Variants in CCS observed in about 807,000 individuals in gnomAD.
The protein encoded by CCS is superoxide dismutase copper chaperone.
A neutral mutation model predicts 35.5 loss-of-function variants in CCS; 32 were observed. That is an observed-to-expected ratio of 0.90 (90% CI 0.68 to 1.21). The LOEUF (loss-of-function observed/expected upper bound fraction) is 1.21. Ranked by LOEUF, CCS falls within the 50% of genes most tolerant of loss-of-function variation. The probability of loss-of-function intolerance (pLI) is 0.00; values close to 1 mark genes in which losing one functional copy is unlikely to be tolerated. For synonymous variants in CCS, 130 were observed against 147.2 expected (o/e 0.88, Z 0.84); for missense variants, 342 against 375.4 (o/e 0.91, Z 0.73).
At chr11:66,596,108 C>A (rs1858471743) in intron 2 of CCS, among the ~76,000 whole-genome samples, 1 of 152,214 alleles carries the variant, frequency 6.6e-6, no homozygotes, top group Non-Finnish European at 1.5e-5. Flanking sequence ...TGCTCTGTTG[C>A]CCAGGCTGGA....
chr11:66,601,518 A>G (rs1350761053), intron 5 of CCS, among the ~76,000 whole-genome samples: 4 of 151,938 alleles, frequency 2.6e-5, no homozygotes, highest in Non-Finnish European at 5.9e-5. Flanking sequence ...GTTACCTATC[A>G]TGCTTTTCTT....
At position 66,599,486 on chromosome 11, in the gene CCS, TG is replaced by T. The variant is rs759691599; in HGVS notation, c.285del (p.Pro96LeufsTer13). On this transcript the variant is annotated frameshift_variant, in exon 4 of 8. Coordinates refer to ENST00000533244, the MANE Select transcript of CCS (RefSeq NM_005125.2). LOFTEE classifies it high-confidence loss of function. Reference sequence around the variant, plus strand: ...AATCTGGGGGCAGCAGTGGCCATCCTGGGGGGGCCTGGCACCGTGCAGGGGG... The same window carrying T: ...AATCTGGGGGCAGCAGTGGCCATCCTGGGGGGCCTGGCACCGTGCAGGGGG... ...LQNLGAAVAILGGPGTVQGVV... is the reference protein window; with the variant it reads ...LQNLGAAVAIXGGPGTVQGVV... The T allele has an allele frequency of 6.5e-6, 10 of 1,547,504 alleles. No homozygotes were observed. The highest frequency in any genetic ancestry group is 2.2e-5 in the Admixed American group (1 of 45,344).
intron 5 of CCS, among the ~76,000 whole-genome samples, chr11:66,601,052 C>G (rs901067170): frequency 6.6e-6 from 1 of 152,164 alleles, no homozygotes; most frequent in Non-Finnish European, 1.5e-5. Flanking sequence ...TTTGCCTTAT[C>G]TGAGTACTAG....
chr11:66,593,799 AT>A, intron 2 of CCS, 85 bp downstream of exon 2: 1 of 1,228,242 alleles, frequency 8.1e-7, no homozygotes, highest in Non-Finnish European at 1.2e-6. Context: ...CCCTACTCCC[AT>A]TTTACAGATG....
At chr11:66,604,664 G>A (rs1858625544) in intron 5 of CCS, among the ~76,000 whole-genome samples, 1 of 152,182 alleles carries the variant, frequency 6.6e-6, no homozygotes, top group African/African-American at 2.4e-5. Flanking sequence ...CCTTGAGGAT[G>A]GTGACCTGCA....
At position 66,599,180 on chromosome 11, in the gene CCS, C is replaced by A. The variant is rs1858529924; in HGVS notation, c.177C>A (p.Ser59Arg). The A allele has an allele frequency of 8.1e-6, 13 of 1,614,006 alleles. No individual in the cohort carries two copies. In the East Asian group the frequency reaches 2.9e-4, roughly 36 times the overall value. The change falls in exon 3 of 8, where the codon AGC (serine) becomes AGA (arginine). Residue 59 changes from serine to arginine, a missense_variant. By Grantham distance (110) the Ser-to-Arg change is moderately radical. Coordinates refer to ENST00000533244, the MANE Select transcript of CCS (RefSeq NM_005125.2). ...TCTTGGTACACACCACTCTACCCAG[C>A]CAGGAGGTGCAGGCTCTCCTGGAAG... is the stretch of plus-strand genomic sequence containing the variant. Reference protein sequence around the residue: ...QMVLVHTTLPSQEVQALLEGT... With the variant: ...QMVLVHTTLPRQEVQALLEGT...
intron 2 of CCS, among the ~76,000 whole-genome samples, chr11:66,597,268 C>A (rs1208685472): frequency 6.6e-6 from 1 of 151,890 alleles, no homozygotes; most frequent in African/African-American, 2.4e-5. Context: ...ACCATTCTGG[C>A]TAACACGGTG....
chr11:66,603,876 A>G (rs1368425346), intron 5 of CCS, among the ~76,000 whole-genome samples: 2 of 150,392 alleles, frequency 1.3e-5, no homozygotes. Flanking sequence ...AACAAAACAA[A>G]AGTTGGCCAG....
At chr11:66,600,615 C>T in intron 5 of CCS, 66 bp downstream of exon 5, 2 of 794,858 alleles carry the variant, frequency 2.5e-6, no homozygotes, top group East Asian at 2.9e-5. Flanking sequence ...GCAGGGCAGG[C>T]AGCTCTTGGG....
At chr11:66,594,513 C>T (rs1481521834) in intron 2 of CCS, among the ~76,000 whole-genome samples, 1 of 150,836 alleles carries the variant, frequency 6.6e-6, no homozygotes, top group Admixed American at 6.6e-5. Flanking sequence ...CAGTGGCTCA[C>T]GCCTGTAATC....
In CCS at chr11:66,593,712, C is replaced by G. The variant is rs1555064224; in HGVS notation, c.110C>G (p.Ala37Gly). 9.3e-6 allele frequency: 15 copies of G among 1,613,958 alleles called. No homozygotes were observed. In the South Asian group the frequency reaches 1.6e-4, roughly 18 times the overall value. ...GTGCGCAAATCCCTGCAAGGGGTGG[C>G]AGGTAAGAACAGGGTAAACTTTTCT... ...DAVRKSLQGVAGVQDVEVHLE... is the reference protein window; with the variant it reads ...DAVRKSLQGVGGVQDVEVHLE... Residue 37 changes from alanine (A) to glycine (G), a missense_variant and splice_region_variant, in exon 2 of 8, where the codon GCA becomes GGA. By Grantham distance (60) the Ala-to-Gly change is moderately conservative (BLOSUM62 0). Transcript: ENST00000533244.
chr11:66,604,140 G>A (rs1340185093), intron 5 of CCS, among the ~76,000 whole-genome samples: 1 of 152,000 alleles, frequency 6.6e-6, no homozygotes, highest in Admixed American at 6.6e-5. Context: ...TGAGGCAGGA[G>A]AATTGCTTGA....
chr11:66,599,728 G>C (rs1437902901), intron 4 of CCS, 92 bp downstream of exon 4: 2 of 1,203,040 alleles, frequency 1.7e-6, no homozygotes, highest in Admixed American at 4.9e-5. Context: ...ATACACACAG[G>C]CACAACCTCC....
intron 4 of CCS, 47 bp from the exon 5 acceptor site, chr11:66,600,442 T>C: frequency 8.5e-7 from 1 of 1,179,218 alleles, no homozygotes; most frequent in Non-Finnish European, 1.2e-6. Context: ...GTAGAGCACC[T>C]GGCCTGTGAG....
At chr11:66,596,346 T>C (rs187460777) in intron 2 of CCS, among the ~76,000 whole-genome samples, 38 of 148,518 alleles carry the variant, frequency 2.6e-4, no homozygotes, top group Non-Finnish European at 3.9e-4. Context: ...GGATTATGGG[T>C]GTGCGCCACC....
chr11:66,599,692 G>A, intron 4 of CCS, 56 bp downstream of exon 4: 2 of 1,518,772 alleles, frequency 1.3e-6, no homozygotes, highest in Non-Finnish European at 1.8e-6. Context: ...TTCACACTGG[G>A]CCCTCACCAA....
intron 5 of CCS, among the ~76,000 whole-genome samples, chr11:66,603,919 C>T (rs1396870321): frequency 1.3e-5 from 2 of 151,488 alleles, no homozygotes; most frequent in African/African-American, 4.9e-5. Flanking sequence ...CACAGCTACT[C>T]GGGAAGCTGA....
At chr11:66,599,854 C>CCTGT (rs1858544918) in intron 4 of CCS, 1 of 488,698 alleles carries the variant, frequency 2.0e-6, no homozygotes, top group African/African-American at 2.1e-5. Flanking sequence ...CAGTAGCTCA[C>CCTGT]ACCTGTAATC....
intron 3 of CCS, 93 bp downstream of exon 3, chr11:66,599,346 A>C: frequency 6.7e-7 from 1 of 1,498,722 alleles, no homozygotes; most frequent in Non-Finnish European, 8.9e-7. Context: ...TCTGGGTTGG[A>C]GTGGCTTTGA....
Sources: allele counts gnomAD v4.1 joint callset (sites outside exome capture counted in the v4.1 genomes callset), GRCh38; gene constraint gnomAD v4.1.1; transcripts MANE v1.5; gene names NCBI Gene and HGNC (gene_info 2026-07-23, HGNC 2026-07-21).